PPP1R13B: variants seen among roughly 807,000 people sequenced by gnomAD.
The protein encoded by PPP1R13B is apoptosis-stimulating of p53 protein 1.
Under a neutral mutation model 119.8 loss-of-function variants are expected in PPP1R13B, and 44 were observed. The observed-to-expected ratio is 0.37, with a 90% confidence interval of 0.29 to 0.47. The LOEUF is 0.47. PPP1R13B is among the 20% of genes least tolerant of loss of function. PPP1R13B has a pLI of 0.99. For missense variants in PPP1R13B, 1,227 were observed against 1,413.5 expected (o/e 0.87, Z 2.12); for synonymous variants, 542 against 561.5 (o/e 0.97, Z 0.49).
chr14:103,734,327 C>T lies in PPP1R13B; in HGVS notation c.*827G>A. The T allele has an allele frequency of 2.7e-6, 1 of 368,598 alleles. No individual in the cohort carries two copies. The highest frequency in any genetic ancestry group is 9.9e-4 in the Middle Eastern group (1 of 1,006). 22.8% of individuals were successfully genotyped at this position (368,598 alleles called of 1,614,324 possible). On this transcript the variant is annotated 3_prime_UTR_variant, in exon 17 of 17. Transcript: ENST00000202556. ...GCCCTCACACCAGTCCACCCCCAGC[C>T]CCAACCCCAACCACCCTCCGCTGCC...
chr14:103,827,855 T>G (rs2086584839), intron 1 of PPP1R13B, among the ~76,000 whole-genome samples: 1 of 152,036 alleles, frequency 6.6e-6, no homozygotes, highest in African/African-American at 2.4e-5. Flanking sequence ...CTATTGCTAT[T>G]ATAAAAACAG....
At chr14:103,804,436 G>C (rs1267940028) in intron 1 of PPP1R13B, among the ~76,000 whole-genome samples, 1 of 152,050 alleles carries the variant, frequency 6.6e-6, no homozygotes, top group Non-Finnish European at 1.5e-5. Context: ...TAAAAAACAG[G>C]AATTAGCTGG....
chr14:103,782,390 C>T (rs2085357981), intron 3 of PPP1R13B, among the ~76,000 whole-genome samples: 2 of 152,188 alleles, frequency 1.3e-5, no homozygotes. Context: ...GCTCAGCTCT[C>T]CTGGTGGGCA....
chr14:103,759,387 G>A (rs1274848930), intron 4 of PPP1R13B: 1 of 151,056 alleles, frequency 6.6e-6, no homozygotes, highest in Non-Finnish European at 1.5e-5. Context: ...ACCCAGGCTG[G>A]GGTACAGTGG....
At position 103,797,482 on chromosome 14, in the gene PPP1R13B, T is replaced by C; in HGVS notation, c.46A>G (p.Ile16Val). The change falls in exon 2 of 17, where the codon ATT (isoleucine) becomes GTT (valine). Residue 16 changes from isoleucine to valine, a missense_variant. Transcript: ENST00000202556. ...GGTGTTATAGGAACTTCTGTTAAAATCTGTTCATTGTTGCTCAAGAAAACA... is the reference window on the plus strand; with the variant it reads ...GGTGTTATAGGAACTTCTGTTAAAACCTGTTCATTGTTGCTCAAGAAAACA... ...LTVFLSNNEQILTEVPITPET... is the reference protein window; with the variant it reads ...LTVFLSNNEQVLTEVPITPET... The C allele has an allele frequency of 6.2e-7, 1 of 1,613,702 alleles. No homozygotes were observed. The highest frequency in any genetic ancestry group is 2.2e-5 in the East Asian group (1 of 44,872).
At chr14:103,750,461 C>T (rs376910499) in intron 7 of PPP1R13B, among the ~76,000 whole-genome samples, 2 of 152,238 alleles carry the variant, frequency 1.3e-5, no homozygotes, top group African/African-American at 2.4e-5. Context: ...CTGTCTTAAA[C>T]TTTCGGATGC....
chr14:103,774,549 A>G (rs1023892784), intron 4 of PPP1R13B, among the ~76,000 whole-genome samples: 7 of 152,092 alleles, frequency 4.6e-5, no homozygotes, highest in Non-Finnish European at 8.8e-5. Context: ...CTGGCCTACA[A>G]TTTTCAGAGA....
chr14:103,778,563 C>G (rs1443565367), intron 4 of PPP1R13B, 182 bp downstream of exon 4: 1 of 579,724 alleles, frequency 1.7e-6, no homozygotes, highest in East Asian at 2.9e-5. Flanking sequence ...CTGGCCTCAT[C>G]TGATTAATTT....
At chr14:103,770,297 C>A (rs1381706883) in intron 4 of PPP1R13B, among the ~76,000 whole-genome samples, 1 of 151,976 alleles carries the variant, frequency 6.6e-6, no homozygotes, top group Non-Finnish European at 1.5e-5. Context: ...GAGGATCACT[C>A]GAGCTCAGGA....
At chr14:103,801,709 G>C (rs1638309685) in intron 1 of PPP1R13B, among the ~76,000 whole-genome samples, 1 of 151,930 alleles carries the variant, frequency 6.6e-6, no homozygotes, top group Admixed American at 6.6e-5. Flanking sequence ...ATTTCCCATT[G>C]CTGAGTCAGG....
At chr14:103,836,465 G>A (rs2086780592) in intron 1 of PPP1R13B, among the ~76,000 whole-genome samples, 1 of 152,016 alleles carries the variant, frequency 6.6e-6, no homozygotes, top group African/African-American at 2.4e-5. Context: ...AGGCACAAAG[G>A]GGTTAAACAA....
At chr14:103,815,007 T>C (rs998408530) in intron 1 of PPP1R13B, among the ~76,000 whole-genome samples, 1 of 152,162 alleles carries the variant, frequency 6.6e-6, no homozygotes, top group African/African-American at 2.4e-5. Context: ...GAAATATTTA[T>C]GGTATTATTC....
chr14:103,827,179 CCAGGTGTGGTGG>C (rs1037313294), intron 1 of PPP1R13B, among the ~76,000 whole-genome samples: 22 of 151,472 alleles, frequency 1.5e-4, no homozygotes, highest in Admixed American at 3.3e-4. Flanking sequence ...AAAAAATTAG[CCAGGTGTGGTGG>C]CAGGTGTGGT....
Position 103,742,674 on chromosome 14 carries a change from G to A in PPP1R13B, c.1300C>T (p.Leu434=), listed in dbSNP as rs1426738926. ...CCTACCGGCTTCTCCGTGGGTCCCA[G>A]TGCTGAGAAGGGCACAGGCTGGCTG... is the stretch of plus-strand genomic sequence containing the variant. ...VSSQPVPFSA[L]GPTEKPGIEI... The change falls in exon 10 of 17, where the codon CTG becomes TTG. Residue 434 remains leucine (L), a synonymous_variant. Transcript: ENST00000202556. This position sits in a 1 kb window ranked among gnomAD's most constrained non-coding sequence, Gnocchi z 4.9. 6.2e-7 allele frequency: 1 copy of A among 1,613,868 alleles called. No homozygotes were observed. Among genetic ancestry groups the A allele is most frequent in the Non-Finnish European group, 8.5e-7 (1 of 1,180,038 alleles).
chr14:103,767,072 G>A (rs1056773406), intron 4 of PPP1R13B, among the ~76,000 whole-genome samples: 20 of 152,104 alleles, frequency 1.3e-4, no homozygotes, highest in African/African-American at 2.7e-4. Flanking sequence ...CCAATGACCC[G>A]AAGGGCTTTG....
At chr14:103,846,989 C>T (rs1595857637) in intron 1 of PPP1R13B, 2 of 1,183,396 alleles carry the variant, frequency 1.7e-6, no homozygotes, top group South Asian at 3.1e-5. Flanking sequence ...GACCTGTGCC[C>T]CAGCGTCCGA....
At chr14:103,745,977 C>A (rs772548935) in intron 9 of PPP1R13B, among the ~76,000 whole-genome samples, 1 of 151,998 alleles carries the variant, frequency 6.6e-6, no homozygotes, top group Non-Finnish European at 1.5e-5. Flanking sequence ...GGCTAATTTT[C>A]GTAGTTTTAG....
At chr14:103,755,272 A>G (rs2084649387) in intron 5 of PPP1R13B, among the ~76,000 whole-genome samples, 1 of 152,228 alleles carries the variant, frequency 6.6e-6, no homozygotes, top group South Asian at 2.1e-4. Flanking sequence ...CAAGAATCTA[A>G]TTCATTTCCT....
At chr14:103,792,670 G>C (rs2085652086) in intron 2 of PPP1R13B, among the ~76,000 whole-genome samples, 1 of 152,110 alleles carries the variant, frequency 6.6e-6, no homozygotes, top group Non-Finnish European at 1.5e-5. Context: ...CTACTTGTGA[G>C]GCTGAGATGG....
Sources: gnomAD v4.1 joint callset for allele counts (sites outside exome capture counted in the v4.1 genomes callset) on GRCh38, gnomAD v4.1.1 for gene constraint, Gnocchi (gnomAD v3.1) non-coding constraint, MANE v1.5 for transcripts, NCBI Gene and HGNC (gene_info 2026-07-23, HGNC 2026-07-21) for gene names.